The following HEATR1 variants were observed in gnomAD, a reference collection of about 807,000 sequenced individuals.
HEATR1 encodes the protein HEAT repeat-containing protein 1.
Under a neutral mutation model 248.2 loss-of-function variants are expected in HEATR1, and 77 were observed. The observed-to-expected ratio is 0.31, with a 90% CI of 0.26 to 0.37. The LOEUF (loss-of-function observed/expected upper bound fraction) is 0.37. Among genes scored for constraint, HEATR1 ranks in the 10% least tolerant of loss-of-function variants. HEATR1 has a pLI of 1.00. For synonymous variants in HEATR1, 897 were observed against 923.1 expected (o/e 0.97, Z 0.51); for missense variants, 2,420 against 2,504.9 (o/e 0.97, Z 0.72).
chr1:236,572,668 C>T, intron 25 of HEATR1, 57 bp downstream of exon 25: 9 of 1,597,838 alleles, frequency 5.6e-6, no homozygotes, highest in Non-Finnish European at 7.7e-6. Context: ...CCAATGGTTT[C>T]ATAACATTCA....
intron 29 of HEATR1, among the ~76,000 whole-genome samples, chr1:236,568,263 A>G (rs563831511): frequency 6.6e-6 from 1 of 152,364 alleles, no homozygotes; most frequent in South Asian, 2.1e-4. Flanking sequence ...GGCACTGATC[A>G]TATGAATGCA....
At chr1:236,597,256 ATTTTT>A (rs10581442) in intron 5 of HEATR1, among the ~76,000 whole-genome samples, 1 of 138,200 alleles carries the variant, frequency 7.2e-6, no homozygotes, top group Non-Finnish European at 1.6e-5. Flanking sequence ...TTAAAAAAAA[ATTTTT>A]TTTTTTTTTT....
rs1572035464 is a variant in HEATR1 at position 236,563,289 on chromosome 1, T to A, written c.4599+1209A>T. ...GTTTTTTCCTTTTTTTTATTTTTTT[T>A]ATTTTTTCAGACAGAATCTCGCTCT... is the stretch of plus-strand genomic sequence containing the variant. On this transcript the variant is annotated intron_variant, in intron 32 of 44. Coordinates refer to ENST00000366582, the MANE Select transcript of HEATR1 (RefSeq NM_018072.6). Among the ~76,000 whole-genome samples, 7 of 151,918 alleles carry A rather than the reference T, an allele frequency of 4.6e-5. 2 individuals are homozygous for A. Among genetic ancestry groups the A allele is most frequent in the Admixed American group, 4.6e-4 (7 of 15,252 alleles).
At chr1:236,560,517 C>A (rs1663104080) in intron 33 of HEATR1, among the ~76,000 whole-genome samples, 1 of 152,128 alleles carries the variant, frequency 6.6e-6, no homozygotes, top group Non-Finnish European at 1.5e-5. Flanking sequence ...CAGACAAAAT[C>A]AGCTCCAAAA....
At chr1:236,557,170 G>A in intron 37 of HEATR1, 25 bp downstream of exon 37, 1 of 1,611,000 alleles carries the variant, frequency 6.2e-7, no homozygotes, top group Non-Finnish European at 8.5e-7. Context: ...ACCCTGCGTA[G>A]CATGTCGTGG....
chr1:236,588,319 T>C (rs16834003), intron 12 of HEATR1, among the ~76,000 whole-genome samples: 5,705 of 152,292 alleles, frequency 0.037, 336 homozygotes, highest in African/African-American at 0.12. Flanking sequence ...AAGGAGTTCA[T>C]CTTATTAAAG....
At chr1:236,566,545 C>T in intron 30 of HEATR1, 101 bp downstream of exon 30, 2 of 857,466 alleles carry the variant, frequency 2.3e-6, no homozygotes, top group African/African-American at 3.4e-5. Context: ...TTCTAAATAA[C>T]ACACATTAGG....
rs1392021037 is a variant in HEATR1 at position 236,566,758 on chromosome 1, A to C, written c.4196T>G (p.Leu1399Arg). 6.2e-7 allele frequency: 1 copy of C among 1,614,176 alleles called. No individual in the cohort carries two copies. Among genetic ancestry groups the C allele is most frequent in the Admixed American group, 1.7e-5 (1 of 60,032 alleles). Residue 1399 changes from leucine (L) to arginine (R), a missense_variant, in exon 30 of 45, where the codon CTT (leucine) becomes CGT (arginine). Transcript: ENST00000366582. ...ACCCAGTGTATCAACAAGTTGAACAAGGATGGGCAGGCGCCTGTGCTCCGG... is the reference window on the plus strand; with the variant it reads ...ACCCAGTGTATCAACAAGTTGAACACGGATGGGCAGGCGCCTGTGCTCCGG... ...HVPEHRRLPILVQLVDTLGAE... is the reference protein window; with the variant it reads ...HVPEHRRLPIRVQLVDTLGAE...
At position 236,572,828 on chromosome 1, in the gene HEATR1, T is replaced by C. The variant is rs1461819063; in HGVS notation, c.3460A>G (p.Ile1154Val). The change falls in exon 25 of 45, where the codon ATT becomes GTT. Residue 1154 changes from isoleucine (I) to valine (V), a missense_variant and splice_region_variant. Coordinates refer to ENST00000366582, the MANE Select transcript of HEATR1 (RefSeq NM_018072.6). ...AQTVSSVFKG[I>V]SVNAEQVRIE... ...CGGACTTGTTCAGCATTAACGGAAA[T>C]CTGAAATATTGAAGGAAGAAGAGTT... The C allele has an allele frequency of 1.9e-6, 3 of 1,612,098 alleles. No homozygotes were observed. Among genetic ancestry groups the C allele is most frequent in the Non-Finnish European group, 2.5e-6 (3 of 1,178,248 alleles).
At chr1:236,557,489 AT>A in intron 36 of HEATR1, 144 bp from the exon 37 acceptor site, 1 of 768,914 alleles carries the variant, frequency 1.3e-6, no homozygotes, top group Non-Finnish European at 2.1e-6. Flanking sequence ...GTGTCTATAC[AT>A]TTTATGTGGC....
In HEATR1 at chr1:236,566,855, C is replaced by G; in HGVS notation, c.4099G>C (p.Glu1367Gln). The G allele has an allele frequency of 6.2e-7, 1 of 1,613,710 alleles. No individual in the cohort carries two copies. Among genetic ancestry groups the G allele is most frequent in the East Asian group, 2.2e-5 (1 of 44,872 alleles). The change falls in exon 30 of 45, where the codon GAA becomes CAA. Residue 1367 changes from glutamate (E) to glutamine (Q), a missense_variant. Glu to Gln is a conservative substitution (Grantham distance 29, BLOSUM62 2). Coordinates refer to ENST00000366582, the MANE Select transcript of HEATR1 (RefSeq NM_018072.6). The stretch of plus-strand genomic sequence containing the variant: ...ATCTCTTCAACGTTTCTTGAAACTT[C>G]TATAGAATCTCCACTATCAGACTGC... ...LIQSDSGDSIEVSRNVEEIVV... is the reference protein window; with the variant it reads ...LIQSDSGDSIQVSRNVEEIVV...
At chr1:236,561,725 GAAC>G (rs1413795391) in intron 32 of HEATR1, among the ~76,000 whole-genome samples, 1 of 152,104 alleles carries the variant, frequency 6.6e-6, no homozygotes, top group Non-Finnish European at 1.5e-5. Flanking sequence ...ACATATCACG[GAAC>G]AACATGTTTT....
intron 12 of HEATR1, among the ~76,000 whole-genome samples, chr1:236,590,393 AT>A (rs1213687165): frequency 6.6e-6 from 1 of 152,054 alleles, no homozygotes; most frequent in Non-Finnish European, 1.5e-5. Flanking sequence ...AACTTGGCTA[AT>A]TTTTTATTTT....
At chr1:236,555,019 A>G (rs912373393) in intron 41 of HEATR1, among the ~76,000 whole-genome samples, 1 of 152,220 alleles carries the variant, frequency 6.6e-6, no homozygotes, top group Admixed American at 6.5e-5. Flanking sequence ...AGAATAAACT[A>G]ATCTTAATTT....
At chr1:236,577,082 A>G (rs1324393974) in intron 20 of HEATR1, 133 bp from the exon 21 acceptor site, 1 of 651,910 alleles carries the variant, frequency 1.5e-6, no homozygotes. Flanking sequence ...CACTGTTTGA[A>G]TATTTAATAT....
chr1:236,590,099 A>G (rs1295591254), intron 12 of HEATR1, among the ~76,000 whole-genome samples: 2 of 152,278 alleles, frequency 1.3e-5, no homozygotes, highest in African/African-American at 4.8e-5. Flanking sequence ...GCCTCAATAC[A>G]TATTTGAAAC....
intron 30 of HEATR1, among the ~76,000 whole-genome samples, chr1:236,566,357 C>A (rs992388827): frequency 6.6e-6 from 1 of 152,198 alleles, no homozygotes; most frequent in African/African-American, 2.4e-5. Context: ...TACTCTTCAG[C>A]CATACTCTGC....
Position 236,554,660 on chromosome 1 carries a change from C to G in HEATR1, c.6016G>C (p.Asp2006His). ...LNCLYKIFLF[D>H]TQHFISKERA... is the part of the protein sequence containing the mutation. ...TCTTTACTTATAAAATGCTGGGTAT[C>G]AAAAAGGAAGATTTTGTATAAACAG... is the stretch of plus-strand genomic sequence containing the variant. The change falls in exon 42 of 45, where the codon GAT becomes CAT. Residue 2006 changes from aspartate to histidine, a missense_variant. Coordinates refer to ENST00000366582, the MANE Select transcript of HEATR1 (RefSeq NM_018072.6). The G allele has an allele frequency of 6.2e-7, 1 of 1,613,250 alleles. No homozygotes were observed. Among genetic ancestry groups the G allele is most frequent in the Non-Finnish European group, 8.5e-7 (1 of 1,179,672 alleles).
intron 6 of HEATR1, 113 bp downstream of exon 6, chr1:236,596,723 A>G: frequency 3.1e-6 from 3 of 978,712 alleles, no homozygotes; most frequent in South Asian, 3.5e-5. Flanking sequence ...AATCTCAGCT[A>G]TCATCTGAAA....
Sources: gnomAD v4.1 joint callset for allele counts (sites outside exome capture counted in the v4.1 genomes callset) on GRCh38, gnomAD v4.1.1 for gene constraint, MANE v1.5 for transcripts, NCBI Gene and HGNC (gene_info 2026-07-23, HGNC 2026-07-21) for gene names.